The following PARP11 variants were observed in gnomAD, a reference collection of about 807,000 sequenced individuals.
PARP11 encodes poly(ADP-ribose) polymerase family member 11, also known as protein mono-ADP-ribosyltransferase PARP11.
A neutral mutation model predicts 42.9 loss-of-function variants in PARP11; 31 were observed. The observed-to-expected ratio is 0.72, with a 90% confidence interval of 0.54 to 0.98. The LOEUF is 0.98. Ranked by LOEUF, PARP11 falls within the 50% of genes least tolerant of loss-of-function variation. The pLI is 0.00. For missense variants in PARP11, 365 were observed against 413.1 expected, an observed-to-expected ratio of 0.88 and a Z score of 1.01; for synonymous variants, 137 against 127.3, an observed-to-expected ratio of 1.08 and a Z score of -0.51.
chr12:3,836,046 T>C (rs868816983), intron 1 of PARP11, among the ~76,000 whole-genome samples: 7 of 151,894 alleles, frequency 4.6e-5, no homozygotes, highest in East Asian at 1.9e-4. Context: ...TATATATATA[T>C]ACACACACTC....
At chr12:3,846,636 A>T (rs926109980) in intron 1 of PARP11, among the ~76,000 whole-genome samples, 2 of 152,070 alleles carry the variant, frequency 1.3e-5, no homozygotes, top group African/African-American at 4.8e-5. Flanking sequence ...AGGCGCCTGT[A>T]GTCCCAGCTA....
At chr12:3,838,047 TCAA>T (rs113625533) in intron 1 of PARP11, among the ~76,000 whole-genome samples, 96 of 145,546 alleles carry the variant, frequency 6.6e-4, no homozygotes, top group African/African-American at 1.7e-3. Context: ...AGCCAGAAAA[TCAA>T]CAACAACAAC....
intron 1 of PARP11, chr12:3,842,076 A>G: frequency 6.2e-7 from 1 of 1,608,804 alleles, no homozygotes; most frequent in Admixed American, 1.7e-5. Context: ...CTCAGATTCT[A>G]AACAGAGAGA....
chr12:3,855,775 C>G (rs1948178463), intron 1 of PARP11, among the ~76,000 whole-genome samples: 1 of 152,182 alleles, frequency 6.6e-6, no homozygotes, highest in Non-Finnish European at 1.5e-5. Flanking sequence ...GAAAAAACTA[C>G]TTTAAAGTTC....
At chr12:3,824,076 T>C (rs1947465450) in intron 4 of PARP11, among the ~76,000 whole-genome samples, 4 of 152,246 alleles carry the variant, frequency 2.6e-5, no homozygotes, top group Admixed American at 2.6e-4. Context: ...TGTCTTTGAA[T>C]GTACCTACTG....
chr12:3,826,804 G>A (rs1947536675), intron 3 of PARP11, among the ~76,000 whole-genome samples: 1 of 152,188 alleles, frequency 6.6e-6, no homozygotes, highest in Admixed American at 6.5e-5. Flanking sequence ...CTAGTGATAA[G>A]AGACTAAGTA....
At chr12:3,815,039 A>T (rs1186614475) in intron 6 of PARP11, 4 of 456,688 alleles carry the variant, frequency 8.8e-6, no homozygotes, top group Non-Finnish European at 1.8e-5. Context: ...GATGGAGTAA[A>T]CACTTCACCT....
Position 3,840,236 on chromosome 12 carries a change from A to G in PARP11, c.19-10218T>C. On this transcript the variant is annotated intron_variant, in intron 1 of 7. Coordinates refer to ENST00000228820, the MANE Select transcript of PARP11 (RefSeq NM_020367.6). This position sits in a 1 kb window ranked among gnomAD's most constrained non-coding sequence, Gnocchi z 4.4. The stretch of plus-strand genomic sequence containing the variant: ...GACGTTCAAGGAGTTCATTCTGAGA[A>G]TGGACCAGTTTTGGTTGAAGAACTG... 6.2e-7 allele frequency: 1 copy of G among 1,612,648 alleles called. No homozygotes were observed. The highest frequency in any genetic ancestry group is 8.5e-7 in the Non-Finnish European group (1 of 1,178,588).
At position 3,809,714 on chromosome 12, in the gene PARP11, A is replaced by T. The variant is rs1420462793; in HGVS notation, c.*2409T>A. The T allele has an allele frequency of 6.6e-6, 1 of 152,230 alleles. No homozygotes were observed. The highest frequency in any genetic ancestry group is 1.5e-5 in the Non-Finnish European group (1 of 68,042). 9.4% of individuals were successfully genotyped at this position (152,230 alleles called of 1,614,324 possible). ...GTAAATTACAAATAAATCGAAAAAA[A>T]GATTTTCAAAACCTGAATTCCTAAT... On this transcript the variant is annotated 3_prime_UTR_variant, in exon 8 of 8. Transcript: ENST00000228820.
At chr12:3,847,202 G>T (rs957343078) in intron 1 of PARP11, among the ~76,000 whole-genome samples, 15 of 152,140 alleles carry the variant, frequency 9.9e-5, no homozygotes, top group African/African-American at 3.6e-4. Context: ...TCAAAGAAAA[G>T]CTCAGGACCT....
chr12:3,828,544 CAAAAAAA>C (rs543241542), intron 3 of PARP11, among the ~76,000 whole-genome samples: 1 of 75,936 alleles, frequency 1.3e-5, no homozygotes, highest in Non-Finnish European at 2.9e-5. Flanking sequence ...TGAGACGTCT[CAAAAAAA>C]AAAAAAAAAA....
chr12:3,838,773 G>A (rs1285942039), intron 1 of PARP11, among the ~76,000 whole-genome samples: 1 of 152,168 alleles, frequency 6.6e-6, no homozygotes, highest in Non-Finnish European at 1.5e-5. Context: ...CCGCCCCTCC[G>A]GCGCCCTCCA....
chr12:3,809,466 G>T lies in PARP11; in HGVS notation c.*2657C>A, dbSNP rs965488640. On this transcript the variant is annotated 3_prime_UTR_variant, in exon 8 of 8. Transcript: ENST00000228820. The stretch of plus-strand genomic sequence containing the variant: ...TGCAGTGCATTCTACATATTTCATA[G>T]AAACCAACTAGGTAAGTTCAGCGTT... 6.6e-6 allele frequency: 1 copy of T among 151,716 alleles called. No individual in the cohort carries two copies. The highest frequency in any genetic ancestry group is 2.4e-5 in the African/African-American group (1 of 41,308). 9.4% of individuals were successfully genotyped at this position (151,716 alleles called of 1,614,324 possible). A position where few individuals can be genotyped will look rare whatever the true frequency, so the allele number is the denominator to read the frequency against.
At chr12:3,837,596 T>C (rs1947794193) in intron 1 of PARP11, among the ~76,000 whole-genome samples, 1 of 151,778 alleles carries the variant, frequency 6.6e-6, no homozygotes, top group African/African-American at 2.4e-5. Context: ...GACGACTTTA[T>C]AAATAATAAC....
intron 6 of PARP11, among the ~76,000 whole-genome samples, chr12:3,818,851 C>T (rs1167139884): frequency 1.3e-5 from 2 of 152,164 alleles, no homozygotes; most frequent in African/African-American, 2.4e-5. Flanking sequence ...GGTTTTCTCC[C>T]GCTTTCTGTG....
At chr12:3,873,100 ACT>A (rs1948523269) in intron 1 of PARP11, 110 bp downstream of exon 1, 4 of 1,058,154 alleles carry the variant, frequency 3.8e-6, no homozygotes, top group Non-Finnish European at 5.7e-6. Context: ...CGGTCCCGGA[ACT>A]CAACACCCAG....
At chr12:3,872,157 C>A (rs937155847) in intron 1 of PARP11, among the ~76,000 whole-genome samples, 2 of 152,120 alleles carry the variant, frequency 1.3e-5, no homozygotes, top group African/African-American at 4.8e-5. Flanking sequence ...CACAGAGAGG[C>A]CAAGAAGAAT....
In PARP11 at chr12:3,840,664, CGTAA is replaced by C. The variant is rs1187695762; in HGVS notation, c.19-10650_19-10647del. ...CATGTGTCCAGAGAAAATCATCACA[CGTAA>C]GTGATAGAAAAGGAAGCAGGCGGAG... On this transcript the variant is annotated intron_variant, in intron 1 of 7. Transcript: ENST00000228820. This position sits in a 1 kb window ranked among gnomAD's most constrained non-coding sequence, Gnocchi z 4.4. The C allele has an allele frequency of 2.3e-5, 28 of 1,197,356 alleles. No homozygotes were observed. The East Asian group carries it at 4.9e-4, about 21-fold the overall frequency. The allele number at this position is 1,197,356 out of a possible 1,614,324, so 74.2% of individuals were successfully genotyped here.
At position 3,846,756 on chromosome 12, in the gene PARP11, TA is replaced by T. The variant is rs760915174; in HGVS notation, c.19-16739del. Among the ~76,000 whole-genome samples, 968 of 100,854 alleles carry T rather than the reference TA, an allele frequency of 9.6e-3. 6 individuals are homozygous for T. The highest frequency in any genetic ancestry group is 0.013 in the African/African-American group (348 of 26,272). 66.2% of individuals were successfully genotyped at this position (100,854 alleles called of 152,430 possible). Reference sequence around the variant, plus strand: ...TGGGCAACAGAGCGAGACTCCGTCTTAAAAAAAAAAAAAAAGAAAAGAAAAA... The same window carrying T: ...TGGGCAACAGAGCGAGACTCCGTCTTAAAAAAAAAAAAAAGAAAAGAAAAA... On this transcript the variant is annotated intron_variant, in intron 1 of 7. Coordinates refer to ENST00000228820, the MANE Select transcript of PARP11 (RefSeq NM_020367.6).
Sources: allele counts gnomAD v4.1 joint callset (sites outside exome capture counted in the v4.1 genomes callset), GRCh38; gene constraint gnomAD v4.1.1; non-coding constraint Gnocchi (gnomAD v3.1); transcripts MANE v1.5; gene names NCBI Gene and HGNC (gene_info 2026-07-23, HGNC 2026-07-21).